The following GLIS3 variants were observed in gnomAD, a reference collection of about 807,000 sequenced individuals.
GLIS3 encodes zinc finger protein GLIS3.
GLIS3 carries 53 observed loss-of-function variants against 78.6 expected under a neutral mutation model. The ratio of observed to expected loss-of-function variants is 0.67; its 90% CI spans 0.54 to 0.85. GLIS3 has a LOEUF of 0.85. Among genes scored for constraint, GLIS3 ranks in the 40% least tolerant of loss-of-function variants. The pLI is 0.00. For missense variants in GLIS3, 1,703 were observed against 1,231.1 expected, an observed-to-expected ratio of 1.38 and a Z score of -5.74; for synonymous variants, 684 against 509.9, an observed-to-expected ratio of 1.34 and a Z score of -4.60.
the GLIS3 span, among the ~76,000 whole-genome samples, chr9:4,372,988 C>T: frequency 6.6e-6 from 1 of 152,120 alleles, no homozygotes; most frequent in Non-Finnish European, 1.5e-5. Flanking sequence ...CTAGTAGGTA[C>T]TGCACAGAAG....
At chr9:3,845,339 C>T (rs1818963777) in intron 9 of GLIS3, among the ~76,000 whole-genome samples, 1 of 152,028 alleles carries the variant, frequency 6.6e-6, no homozygotes, top group Non-Finnish European at 1.5e-5. Flanking sequence ...AACGTGAGGC[C>T]ATTTTTATAA....
chr9:4,144,109 G>A (rs112500854), intron 2 of GLIS3, among the ~76,000 whole-genome samples: 4 of 152,268 alleles, frequency 2.6e-5, no homozygotes, highest in East Asian at 1.9e-4. Context: ...GGACCTCAGG[G>A]GAGAAGGCAA....
chr9:4,229,706 G>T (rs1328342341), intron 2 of GLIS3, among the ~76,000 whole-genome samples: 1 of 152,152 alleles, frequency 6.6e-6, no homozygotes, highest in African/African-American at 2.4e-5. Flanking sequence ...TTATTCAAAA[G>T]TAAAAGAAAG....
chr9:4,358,927 G>T, the GLIS3 span, among the ~76,000 whole-genome samples: 3 of 152,144 alleles, frequency 2.0e-5, no homozygotes, highest in South Asian at 2.1e-4. Context: ...AGACTTTCAG[G>T]CTGGCTGTAG....
At chr9:3,890,590 T>C (rs78269706) in intron 7 of GLIS3, among the ~76,000 whole-genome samples, 1 of 152,152 alleles carries the variant, frequency 6.6e-6, no homozygotes, top group Non-Finnish European at 1.5e-5. Flanking sequence ...TTAGTTCTCA[T>C]AGCAGTCCTA....
intron 9 of GLIS3, among the ~76,000 whole-genome samples, chr9:3,836,959 G>A (rs1336790104): frequency 6.6e-6 from 1 of 152,166 alleles, no homozygotes; most frequent in Non-Finnish European, 1.5e-5. Flanking sequence ...GGATCTGGAG[G>A]ACCCCAGCCT....
At chr9:3,983,735 T>A (rs1330562702) in intron 4 of GLIS3, among the ~76,000 whole-genome samples, 1 of 152,082 alleles carries the variant, frequency 6.6e-6, no homozygotes, top group East Asian at 1.9e-4. Context: ...TTGAGGGAGA[T>A]GATTTAGGGT....
chr9:4,314,902 T>C (rs75108838), intron 2 of GLIS3, among the ~76,000 whole-genome samples: 250 of 152,282 alleles, frequency 1.6e-3, no homozygotes, highest in African/African-American at 5.4e-3. Context: ...TCTATTCCTT[T>C]GGGATGAATA....
Position 3,968,251 on chromosome 9 carries a change from T to G in GLIS3, c.1711-31062A>C, listed in dbSNP as rs1012572581. Among the ~76,000 whole-genome samples the G allele has an allele frequency of 1.4e-4, 22 of 152,316 alleles. No individual in the cohort carries two copies. The East Asian group carries it at 4.0e-3, about 28-fold the overall frequency. On this transcript the variant is annotated intron_variant, in intron 4 of 10. Transcript: ENST00000381971. ...GCAGGAAGCCTCACCTTTAATGGCT[T>G]TCAAAGTTCTTCTAACTGAATGGGA...
At chr9:3,835,616 G>A (rs571193872) in intron 9 of GLIS3, among the ~76,000 whole-genome samples, 1 of 152,286 alleles carries the variant, frequency 6.6e-6, no homozygotes, top group Non-Finnish European at 1.5e-5. Context: ...TGCCTTTGCT[G>A]CAATCATTGT....
intron 9 of GLIS3, among the ~76,000 whole-genome samples, chr9:3,838,649 G>T (rs899974024): frequency 1.3e-5 from 2 of 152,262 alleles, no homozygotes; most frequent in Admixed American, 1.3e-4. Flanking sequence ...AACACTCCCT[G>T]TCTAGGTTAA....
intron 1 of GLIS3, among the ~76,000 whole-genome samples, chr9:4,299,035 C>G (rs1362306771): frequency 1.3e-5 from 2 of 152,160 alleles, no homozygotes; most frequent in Non-Finnish European, 2.9e-5. Flanking sequence ...CGCCCCATGC[C>G]CGTGCGTCCT....
chr9:4,289,185 A>G (rs1397299729), intron 1 of GLIS3, among the ~76,000 whole-genome samples: 2 of 152,160 alleles, frequency 1.3e-5, no homozygotes, highest in Non-Finnish European at 2.9e-5. Flanking sequence ...ACTTTTCTGG[A>G]CTTACAGTTT....
chr9:4,041,765 C>G (rs945105998), intron 4 of GLIS3, among the ~76,000 whole-genome samples: 1 of 152,148 alleles, frequency 6.6e-6, no homozygotes, highest in Non-Finnish European at 1.5e-5. Flanking sequence ...GTAGAACACC[C>G]AACCCCACTT....
chr9:4,478,469 G>A, the GLIS3 span, among the ~76,000 whole-genome samples: 1 of 151,918 alleles, frequency 6.6e-6, no homozygotes, highest in Non-Finnish European at 1.5e-5. Flanking sequence ...AAATTAGTTC[G>A]GCCTGGTGGC....
chr9:4,441,234 T>C, the GLIS3 span, among the ~76,000 whole-genome samples: 66 of 152,226 alleles, frequency 4.3e-4, no homozygotes, highest in Non-Finnish European at 7.1e-4. Context: ...CTTATCCAAA[T>C]CTTACCATAA....
chr9:3,867,686 G>A lies in GLIS3; in HGVS notation c.2298-11502C>T, dbSNP rs1225420397. ...TGTACTGCTCACAACATTGAGATCA[G>A]GAACAACTTTTATTACATTCAACAA... On this transcript the variant is annotated intron_variant, in intron 8 of 10. Transcript: ENST00000381971. 2.0e-5 allele frequency among the ~76,000 whole-genome samples: 3 copies of A among 151,786 alleles called. No homozygotes were observed. In the East Asian group the frequency reaches 5.8e-4, roughly 29 times the overall value.
rs1272645010 is a variant in GLIS3, at chr9:4,210,707, C to T, written c.388+75331G>A. On this transcript the variant is annotated intron_variant, in intron 2 of 10. Transcript: ENST00000381971. ...AAAGAAATACAATGCTTATCCTGCT[C>T]GTCCAAGGAAGCAGGGTACCTGCAG... 3.9e-5 allele frequency among the ~76,000 whole-genome samples: 6 copies of T among 152,190 alleles called. No individual in the cohort carries two copies. In the East Asian group the frequency reaches 5.8e-4, roughly 15 times the overall value.
At chr9:3,926,585 T>C (rs1177141320) in intron 6 of GLIS3, among the ~76,000 whole-genome samples, 1 of 151,708 alleles carries the variant, frequency 6.6e-6, no homozygotes, top group Non-Finnish European at 1.5e-5. Flanking sequence ...TCTTTCTTCC[T>C]TTCCTCCTTT....
Sources: allele counts gnomAD v4.1 joint callset (sites outside exome capture counted in the v4.1 genomes callset), GRCh38; gene constraint gnomAD v4.1.1; transcripts MANE v1.5; gene names NCBI Gene and HGNC (gene_info 2026-07-23, HGNC 2026-07-21).